Variants in ARHGAP15 observed in about 807,000 individuals in gnomAD.
ARHGAP15 encodes the protein rho GTPase-activating protein 15.
A neutral mutation model predicts 63.7 loss-of-function variants in ARHGAP15; 51 were observed. The ratio of observed to expected loss-of-function variants is 0.80; its 90% confidence interval spans 0.64 to 1.01. The LOEUF (loss-of-function observed/expected upper bound fraction) is 1.01, where lower values mean the gene tolerates loss of function less well. ARHGAP15 is among the 50% of genes least tolerant of loss of function. The pLI is 0.00. For synonymous variants in ARHGAP15, 191 were observed against 193.8 expected (o/e 0.99, Z 0.12); for missense variants, 560 against 564.6 (o/e 0.99, Z 0.08).
At chr2:143,547,941 A>G (rs139442992) in intron 10 of ARHGAP15, among the ~76,000 whole-genome samples, 40 of 152,034 alleles carry the variant, frequency 2.6e-4, no homozygotes, top group African/African-American at 8.9e-4. Flanking sequence ...CCCAAACTCT[A>G]TTGTCACTGA....
chr2:143,720,400 A>G (rs1684995908), intron 13 of ARHGAP15, among the ~76,000 whole-genome samples: 1 of 152,202 alleles, frequency 6.6e-6, no homozygotes, highest in South Asian at 2.1e-4. Context: ...TTTAATGACC[A>G]CAAGTGGTAA....
chr2:143,565,646 A>G (rs560917832), intron 11 of ARHGAP15, among the ~76,000 whole-genome samples: 2 of 152,362 alleles, frequency 1.3e-5, no homozygotes, highest in East Asian at 1.9e-4. Flanking sequence ...ATGAATAGTG[A>G]AGGATCCCAT....
At chr2:143,325,052 T>C (rs1684192191) in intron 6 of ARHGAP15, among the ~76,000 whole-genome samples, 1 of 152,180 alleles carries the variant, frequency 6.6e-6, no homozygotes, top group Non-Finnish European at 1.5e-5. Context: ...TTATTTCTTA[T>C]GAATCACAAT....
intron 8 of ARHGAP15, among the ~76,000 whole-genome samples, chr2:143,453,233 A>C (rs1291957974): frequency 6.6e-6 from 1 of 152,018 alleles, no homozygotes; most frequent in East Asian, 1.9e-4. Flanking sequence ...GAAACCAAGC[A>C]GTCTAACTTC....
At chr2:143,473,506 C>T (rs559830037) in intron 8 of ARHGAP15, among the ~76,000 whole-genome samples, 1 of 152,276 alleles carries the variant, frequency 6.6e-6, no homozygotes, top group African/African-American at 2.4e-5. Flanking sequence ...TCTGCTTTGA[C>T]AGTTTGGAGG....
At chr2:143,634,504 A>C (rs1191443240) in intron 12 of ARHGAP15, among the ~76,000 whole-genome samples, 1 of 152,292 alleles carries the variant, frequency 6.6e-6, no homozygotes, top group East Asian at 1.9e-4. Context: ...ACACAGTATC[A>C]AGTTCACTGG....
chr2:143,537,097 T>C (rs540535696), intron 10 of ARHGAP15, among the ~76,000 whole-genome samples: 3 of 152,314 alleles, frequency 2.0e-5, no homozygotes, highest in Non-Finnish European at 4.4e-5. Flanking sequence ...CTCATTGTGG[T>C]TTTGATTTGC....
chr2:143,543,976 G>A (rs1695219101), intron 10 of ARHGAP15, among the ~76,000 whole-genome samples: 1 of 152,160 alleles, frequency 6.6e-6, no homozygotes, highest in African/African-American at 2.4e-5. Flanking sequence ...GTGATCATAG[G>A]AAGTCAGAAA....
intron 11 of ARHGAP15, among the ~76,000 whole-genome samples, chr2:143,614,646 C>G (rs768791162): frequency 3.6e-4 from 55 of 152,282 alleles, no homozygotes; most frequent in South Asian, 1.5e-3. Context: ...ATGAGTGCAT[C>G]AGTCACTGGC....
intron 6 of ARHGAP15, among the ~76,000 whole-genome samples, chr2:143,310,592 AT>A (rs34798412): frequency 0.21 from 31,812 of 151,884 alleles, 3,875 homozygotes; most frequent in East Asian, 0.41. Flanking sequence ...CAATGAATTT[AT>A]TTTTGCAAAA....
chr2:143,451,441 A>G (rs1282897583), intron 8 of ARHGAP15, among the ~76,000 whole-genome samples: 1 of 151,954 alleles, frequency 6.6e-6, no homozygotes, highest in Non-Finnish European at 1.5e-5. Flanking sequence ...TAAATTTAAC[A>G]TTAAAAATTA....
chr2:143,362,714 T>C (rs1686115527), intron 6 of ARHGAP15, among the ~76,000 whole-genome samples: 1 of 152,194 alleles, frequency 6.6e-6, no homozygotes, highest in Non-Finnish European at 1.5e-5. Context: ...CCATAATAAA[T>C]GAACTACTCT....
At chr2:143,445,638 C>T (rs1422764616) in intron 8 of ARHGAP15, among the ~76,000 whole-genome samples, 2 of 152,070 alleles carry the variant, frequency 1.3e-5, no homozygotes, top group Non-Finnish European at 2.9e-5. Flanking sequence ...ATGCACACTG[C>T]TACATGCTGA....
chr2:143,331,810 G>A (rs1684561972), intron 6 of ARHGAP15, among the ~76,000 whole-genome samples: 2 of 152,068 alleles, frequency 1.3e-5, no homozygotes, highest in Admixed American at 1.3e-4. Context: ...CATTTCTTAA[G>A]CCTGACCTCA....
At position 143,328,967 on chromosome 2, in the gene ARHGAP15, T is replaced by C. The variant is rs139641394; in HGVS notation, c.474+78367T>C. Among the ~76,000 whole-genome samples, 457 of 152,344 alleles carry C rather than the reference T, an allele frequency of 3.0e-3. 4 individuals are homozygous for C. The highest frequency in any genetic ancestry group is 0.011 in the African/African-American group (440 of 41,576). ...GTATCCCATAAATATACACACCTAC[T>C]GTGGTACCCACAAAAATTAAGTTTT... is the stretch of plus-strand genomic sequence containing the variant. On this transcript the variant is annotated intron_variant, in intron 6 of 13. Transcript: ENST00000295095.
intron 9 of ARHGAP15, among the ~76,000 whole-genome samples, chr2:143,513,353 G>A (rs1009025676): frequency 8.5e-5 from 13 of 152,102 alleles, no homozygotes; most frequent in African/African-American, 3.1e-4. Context: ...ACCCAGCTCC[G>A]TGGCAATAAA....
At chr2:143,409,432 CA>C (rs1340206109) in intron 6 of ARHGAP15, among the ~76,000 whole-genome samples, 1 of 151,936 alleles carries the variant, frequency 6.6e-6, no homozygotes, top group Non-Finnish European at 1.5e-5. Flanking sequence ...GGAATATCTC[CA>C]ATGGTCCTTT....
intron 6 of ARHGAP15, among the ~76,000 whole-genome samples, chr2:143,331,040 C>A (rs1484299606): frequency 6.6e-6 from 1 of 152,046 alleles, no homozygotes; most frequent in Non-Finnish European, 1.5e-5. Context: ...TCATTTATTT[C>A]AGCTTCAAAA....
At chr2:143,567,100 C>A (rs1292127914) in intron 11 of ARHGAP15, among the ~76,000 whole-genome samples, 1 of 152,072 alleles carries the variant, frequency 6.6e-6, no homozygotes, top group Non-Finnish European at 1.5e-5. Context: ...TGGTCTCGAT[C>A]TCCTGACCTC....
Sources: allele counts gnomAD v4.1 joint callset (sites outside exome capture counted in the v4.1 genomes callset), GRCh38; gene constraint gnomAD v4.1.1; transcripts MANE v1.5; gene names NCBI Gene and HGNC (gene_info 2026-07-23, HGNC 2026-07-21).